PKHD1: variants seen among roughly 807,000 people sequenced by gnomAD.
PKHD1 encodes the protein fibrocystin.
A neutral mutation model predicts 412.0 loss-of-function variants in PKHD1; 291 were observed. That is an observed-to-expected ratio of 0.71 (90% CI 0.64 to 0.78). The LOEUF is 0.78. Ranked by LOEUF, PKHD1 falls within the 30% of genes least tolerant of loss-of-function variation. PKHD1 has a pLI of 0.00. For missense variants in PKHD1, 4,825 were observed against 4,950.7 expected (o/e 0.97, Z 0.76); for synonymous variants, 1,777 against 1,821.5 (o/e 0.98, Z 0.62).
chr6:51,735,651 C>T (rs1171526306), intron 60 of PKHD1, among the ~76,000 whole-genome samples: 3 of 152,080 alleles, frequency 2.0e-5, no homozygotes, highest in Non-Finnish European at 1.5e-5. Flanking sequence ...CGGGGCTGGG[C>T]ATGGTGACTC....
intron 36 of PKHD1, among the ~76,000 whole-genome samples, chr6:51,950,220 A>ATATATATATATATATATAT (rs1554156415): frequency 8.1e-5 from 8 of 98,296 alleles, no homozygotes; most frequent in South Asian, 8.3e-4. Flanking sequence ...GAAAAAAAAA[A>ATATATATATATATATATAT]ATATATATAT....
intron 27 of PKHD1, among the ~76,000 whole-genome samples, chr6:52,036,992 A>G (rs1229326615): frequency 1.3e-5 from 2 of 152,198 alleles, no homozygotes; most frequent in Non-Finnish European, 1.5e-5. Context: ...CAAAATTTCA[A>G]AAAGAAGTGT....
At chr6:51,740,365 C>T (rs971873762) in intron 60 of PKHD1, among the ~76,000 whole-genome samples, 3 of 151,962 alleles carry the variant, frequency 2.0e-5, no homozygotes, top group Admixed American at 6.6e-5. Flanking sequence ...AGTTTTTGTA[C>T]GAACTTATAT....
intron 54 of PKHD1, among the ~76,000 whole-genome samples, chr6:51,773,381 G>A (rs568485867): frequency 3.3e-5 from 5 of 151,824 alleles, no homozygotes; most frequent in East Asian, 1.9e-4. Context: ...ATTTTTTCAT[G>A]TCTTTCTTCC....
chr6:51,755,048 G>A, intron 55 of PKHD1, 110 bp from the exon 56 acceptor site: 1 of 932,196 alleles, frequency 1.1e-6, no homozygotes, highest in Non-Finnish European at 1.8e-6. Flanking sequence ...TCCCACCAGA[G>A]AAACTGAAAT....
chr6:51,973,133 TAGTATACCAAAAC>T (rs1293666733), intron 35 of PKHD1, among the ~76,000 whole-genome samples: 2 of 152,234 alleles, frequency 1.3e-5, no homozygotes, highest in Non-Finnish European at 2.9e-5. Context: ...ATCATGTATT[TAGTATACCAAAAC>T]AGTGGTGTAA....
At chr6:51,934,845 T>C (rs1787221624) in intron 36 of PKHD1, among the ~76,000 whole-genome samples, 1 of 152,182 alleles carries the variant, frequency 6.6e-6, no homozygotes, top group African/African-American at 2.4e-5. Context: ...CTCTGCCCCA[T>C]TGACTAGAGC....
intron 60 of PKHD1, among the ~76,000 whole-genome samples, chr6:51,669,998 T>C (rs1774623446): frequency 6.6e-6 from 1 of 151,702 alleles, no homozygotes; most frequent in South Asian, 2.1e-4. Context: ...AGGTGTGGTG[T>C]GGTGCTGAAA....
chr6:52,024,512 G>A, intron 32 of PKHD1, 62 bp downstream of exon 32: 1 of 1,473,484 alleles, frequency 6.8e-7, no homozygotes, highest in Non-Finnish European at 9.5e-7. Context: ...CTTTCCAGAA[G>A]TGAAAGGAGC....
At chr6:51,854,290 G>A (rs1342680897) in intron 49 of PKHD1, among the ~76,000 whole-genome samples, 2 of 152,080 alleles carry the variant, frequency 1.3e-5, no homozygotes, top group African/African-American at 4.8e-5. Context: ...GTGCAGCAAA[G>A]ATGGGTGTCT....
intron 3 of PKHD1, 78 bp from the exon 4 acceptor site, chr6:52,082,620 T>A (rs1162759509): frequency 2.8e-6 from 4 of 1,406,372 alleles, no homozygotes; most frequent in South Asian, 1.2e-5. Context: ...GCTAAGATCC[T>A]GGGGGTAATG....
intron 34 of PKHD1, among the ~76,000 whole-genome samples, chr6:52,017,108 C>G (rs1411018174): frequency 6.6e-6 from 1 of 152,118 alleles, no homozygotes; most frequent in African/African-American, 2.4e-5. Context: ...ATCTTTTTCC[C>G]CATTGGCATT....
chr6:52,012,552 G>C (rs1192437240), intron 34 of PKHD1, among the ~76,000 whole-genome samples: 1 of 152,160 alleles, frequency 6.6e-6, no homozygotes, highest in East Asian at 1.9e-4. Flanking sequence ...ATTCAGAAAG[G>C]AAAAGCAAAG....
intron 55 of PKHD1, among the ~76,000 whole-genome samples, chr6:51,769,271 T>C (rs1197741767): frequency 6.6e-6 from 1 of 151,536 alleles, no homozygotes; most frequent in African/African-American, 2.4e-5. Context: ...ATGGTATAAA[T>C]TTATGTGAGC....
At chr6:52,018,353 C>G (rs1800860274) in intron 33 of PKHD1, among the ~76,000 whole-genome samples, 1 of 152,090 alleles carries the variant, frequency 6.6e-6, no homozygotes, top group Admixed American at 6.5e-5. Flanking sequence ...GTAGTTGTGC[C>G]ATTTTGTATT....
At chr6:52,029,726 G>A (rs1412331181) in intron 29 of PKHD1, among the ~76,000 whole-genome samples, 1 of 152,184 alleles carries the variant, frequency 6.6e-6, no homozygotes, top group African/African-American at 2.4e-5. Flanking sequence ...AGAGAATTGG[G>A]TGATGTTCTG....
chr6:52,072,309 G>A (rs758664275), intron 7 of PKHD1, 120 bp from the exon 8 acceptor site: 1 of 731,910 alleles, frequency 1.4e-6, no homozygotes. Context: ...GGATTTTTCT[G>A]CACTATTGCA....
chr6:51,977,133 T>C (rs762895056), intron 35 of PKHD1, among the ~76,000 whole-genome samples: 12 of 152,176 alleles, frequency 7.9e-5, no homozygotes, highest in Non-Finnish European at 1.5e-4. Flanking sequence ...CATCCTCATT[T>C]TTCAGATGAG....
At chr6:52,012,725 G>A (rs945912732) in intron 34 of PKHD1, among the ~76,000 whole-genome samples, 6 of 152,114 alleles carry the variant, frequency 3.9e-5, no homozygotes, top group Non-Finnish European at 8.8e-5. Context: ...ACCTTTTTTT[G>A]TTACTGGGGG....
Sources: gnomAD v4.1 joint callset for allele counts (sites outside exome capture counted in the v4.1 genomes callset) on GRCh38, gnomAD v4.1.1 for gene constraint, MANE v1.5 for transcripts, NCBI Gene and HGNC (gene_info 2026-07-23, HGNC 2026-07-21) for gene names.